The following GNB2 variants were observed in gnomAD, a reference collection of about 807,000 sequenced individuals.
GNB2 encodes guanine nucleotide-binding protein G(I)/G(S)/G(T) subunit beta-2.
In GNB2, 7 loss-of-function variants were observed where a neutral mutation model predicts 40.7. The ratio of observed to expected loss-of-function variants is 0.17; its 90% CI spans 0.10 to 0.32. The LOEUF is 0.32. GNB2 is among the 10% of genes least tolerant of loss of function. The pLI is 1.00. For synonymous variants in GNB2, 254 were observed against 191.2 expected, an observed-to-expected ratio of 1.33 and a Z score of -2.71; for missense variants, 286 against 473.0, an observed-to-expected ratio of 0.60 and a Z score of 3.67.
At chr7:100,677,014 C>G (rs751509302) in intron 4 of GNB2, 4 of 595,122 alleles carry the variant, frequency 6.7e-6, no homozygotes, top group Non-Finnish European at 1.2e-5. Flanking sequence ...AGGTGGCTCA[C>G]GCCTGTAATC....
Position 100,676,230 on chromosome 7 carries a change from C to T in GNB2, c.-36C>T. 2.1e-6 allele frequency: 3 copies of T among 1,463,114 alleles called. No homozygotes were observed. Among genetic ancestry groups the T allele is most frequent in the Non-Finnish European group, 2.8e-6 (3 of 1,067,512 alleles). The allele number at this position is 1,463,114 out of a possible 1,614,324, so 90.6% of individuals were successfully genotyped here. ...CCCCCAGCCCCCGTCCCGCGGCCCC[C>T]AGCCGCCCCCAACCCTGCCCCACGG... On this transcript the variant is annotated 5_prime_UTR_variant, in exon 2 of 10. Coordinates refer to ENST00000303210, the MANE Select transcript of GNB2 (RefSeq NM_005273.4).
rs1289417161 is a variant in GNB2, at chr7:100,679,121, T to A, written c.*320T>A. 6.7e-6 allele frequency: 2 copies of A among 297,414 alleles called. No individual in the cohort carries two copies. Among genetic ancestry groups the A allele is most frequent in the Non-Finnish European group, 1.2e-5 (2 of 160,080 alleles). The allele number at this position is 297,414 out of a possible 1,614,324, so 18.4% of individuals were successfully genotyped here. On this transcript the variant is annotated 3_prime_UTR_variant, in exon 10 of 10. Transcript: ENST00000303210. ...TTTTAAAACTGGTTTTATTTTAATT[T>A]TTATTATATTTTCAGTTTTTCCATA... is the stretch of plus-strand genomic sequence containing the variant.
chr7:100,675,241 C>T (rs1391569533), intron 1 of GNB2: 1 of 151,690 alleles, frequency 6.6e-6, no homozygotes, highest in Non-Finnish European at 1.5e-5. Flanking sequence ...GGAGAGAGCA[C>T]CTCCGCGCCT....
chr7:100,674,811 C>T (rs1411917890), intron 1 of GNB2, among the ~76,000 whole-genome samples: 2 of 152,250 alleles, frequency 1.3e-5, no homozygotes, highest in African/African-American at 4.8e-5. Context: ...GTGCTTCCTT[C>T]TGCCCTGGGC....
chr7:100,676,608 G>A (rs756488674), intron 3 of GNB2, 35 bp downstream of exon 3: 1 of 1,587,392 alleles, frequency 6.3e-7, no homozygotes, highest in South Asian at 1.1e-5. Context: ...GTAACTAGGG[G>A]TTGAAGGGGC....
Position 100,677,792 on chromosome 7 carries a change from C to T in GNB2, c.471C>T (p.Ile157=). The change falls in exon 7 of 10, where the codon ATC becomes ATT. Residue 157 remains isoleucine (I), a synonymous_variant. Coordinates refer to ENST00000303210, the MANE Select transcript of GNB2 (RefSeq NM_005273.4). The stretch of plus-strand genomic sequence containing the variant: ...GCCGCTTCCTGGATGACAACCAAAT[C>T]ATCACCAGCTCTGGGGATACCACCT... The part of the protein sequence containing the change: ...SCCRFLDDNQ[I]ITSSGDTTCA... 1.2e-6 allele frequency: 2 copies of T among 1,613,776 alleles called. No homozygotes were observed. The highest frequency in any genetic ancestry group is 1.7e-6 in the Non-Finnish European group (2 of 1,179,974).
chr7:100,677,843 G>T, intron 7 of GNB2, 25 bp downstream of exon 7: 1 of 1,602,970 alleles, frequency 6.2e-7, no homozygotes. Context: ...GGGCTGGGCA[G>T]TCTGGGCAAA....
rs61758990 is a variant in GNB2, at chr7:100,678,452, C to T, written c.754C>T (p.Leu252Phe). 3 of 1,613,850 alleles carry T rather than the reference C, an allele frequency of 1.9e-6. No homozygotes were observed. The highest frequency in any genetic ancestry group is 2.2e-5 in the South Asian group (2 of 91,086). ...TTGSDDATCRLFDLRADQELL... is the reference protein window; with the variant it reads ...TTGSDDATCRFFDLRADQELL... ...CGGCTCTGACGACGCCACGTGCCGC[C>T]TCTTCGACCTGCGGGCCGATCAGGA... The change falls in exon 9 of 10, where the codon CTC becomes TTC. Residue 252 changes from leucine to phenylalanine, a missense_variant. Coordinates refer to ENST00000303210, the MANE Select transcript of GNB2 (RefSeq NM_005273.4).
Position 100,679,122 on chromosome 7 carries a change from TTATTA to T in GNB2, c.*326_*330del. On this transcript the variant is annotated 3_prime_UTR_variant, in exon 10 of 10. Transcript: ENST00000303210. ...TTTAAAACTGGTTTTATTTTAATTT[TTATTA>T]TATTTTCAGTTTTTCCATAAAGGAG... 3.4e-6 allele frequency: 1 copy of T among 295,858 alleles called. No individual in the cohort carries two copies. The highest frequency in any genetic ancestry group is 6.3e-6 in the Non-Finnish European group (1 of 159,046). 18.3% of individuals were successfully genotyped at this position (295,858 alleles called of 1,614,324 possible).
In GNB2 at chr7:100,678,629, C is replaced by T; in HGVS notation, c.916+15C>T. 1.9e-6 allele frequency: 3 copies of T among 1,611,018 alleles called. No homozygotes were observed. The highest frequency in any genetic ancestry group is 2.5e-6 in the Non-Finnish European group (3 of 1,177,492). On this transcript the variant is annotated intron_variant, in intron 9 of 9. Coordinates refer to ENST00000303210, the MANE Select transcript of GNB2 (RefSeq NM_005273.4). ...CGACCGTGCAGGTGACAGCTGGGGC[C>T]CAGGCTGGGTGGGCAGGGACCTGGA...
Position 100,676,217 on chromosome 7 carries a change from G to A in GNB2, c.-49G>A, listed in dbSNP as rs1208720240. ...CCAGGAGCTGCCTCCCCCAGCCCCC[G>A]TCCCGCGGCCCCCAGCCGCCCCCAA... On this transcript the variant is annotated 5_prime_UTR_variant, in exon 2 of 10. Transcript: ENST00000303210. The A allele has an allele frequency of 5.8e-6, 5 of 869,130 alleles. No individual in the cohort carries two copies. Among genetic ancestry groups the A allele is most frequent in the Middle Eastern group, 3.4e-4 (1 of 2,908 alleles). The allele number at this position is 869,130 out of a possible 1,614,324, so 53.8% of individuals were successfully genotyped here.
Position 100,676,338 on chromosome 7 carries a change from G to C in GNB2, c.57+16G>C, listed in dbSNP as rs112816501. On this transcript the variant is annotated intron_variant, in intron 2 of 9. Coordinates refer to ENST00000303210, the MANE Select transcript of GNB2 (RefSeq NM_005273.4). The stretch of plus-strand genomic sequence containing the variant: ...CCAGATCCGGGTGAGGGCCTGGTGC[G>C]GGGCGGGCGATTCATGTGTACACCG... 6.2e-3 allele frequency: 9,913 copies of C among 1,594,564 alleles called. 575 individuals are homozygous for C. In the African/African-American group the frequency reaches 0.12, roughly 19 times the overall value.
In GNB2 at chr7:100,676,335, T is replaced by G. The variant is rs769342124; in HGVS notation, c.57+13T>G. The G allele has an allele frequency of 1.3e-6, 2 of 1,598,440 alleles. No individual in the cohort carries two copies. The highest frequency in any genetic ancestry group is 2.2e-5 in the South Asian group (2 of 89,222). On this transcript the variant is annotated intron_variant, in intron 2 of 9. Coordinates refer to ENST00000303210, the MANE Select transcript of GNB2 (RefSeq NM_005273.4). ...GAACCAGATCCGGGTGAGGGCCTGG[T>G]GCGGGGCGGGCGATTCATGTGTACA...
chr7:100,674,522 GCTTT>G (rs1804309339), intron 1 of GNB2, among the ~76,000 whole-genome samples: 1 of 148,992 alleles, frequency 6.7e-6, no homozygotes, highest in Admixed American at 6.6e-5. Context: ...CCCCCGCCCA[GCTTT>G]CTTTTAGGCA....
intron 1 of GNB2, among the ~76,000 whole-genome samples, chr7:100,674,480 C>T (rs1369393195): frequency 6.6e-6 from 1 of 152,156 alleles, no homozygotes; most frequent in East Asian, 1.9e-4. Context: ...CTTTACAGAT[C>T]CTCACCCCAA....
chr7:100,678,293 A>G lies in GNB2; in HGVS notation c.693A>G (p.Ala231=), dbSNP rs778564494. 1.2e-6 allele frequency: 2 copies of G among 1,613,128 alleles called. No individual in the cohort carries two copies. The highest frequency in any genetic ancestry group is 1.3e-5 in the African/African-American group (1 of 74,886). ...TFIGHESDIN[A]VAFFPNGYAF... ...TCGGCCATGAATCCGACATCAATGC[A>G]GTGGCTGTGAGTTTTGGGGCGAGCT... Residue 231 remains alanine (A), a synonymous_variant, in exon 8 of 10, where the codon GCA becomes GCG. Transcript: ENST00000303210.
chr7:100,679,069 G>A lies in GNB2; in HGVS notation c.*268G>A, dbSNP rs1804441420. On this transcript the variant is annotated 3_prime_UTR_variant, in exon 10 of 10. Transcript: ENST00000303210. The stretch of plus-strand genomic sequence containing the variant: ...TCACCCCTCTGGAGGGCCGGAGGCA[G>A]GAGGTGGAAACCCCAGGGGCTGGCT... 2 of 438,162 alleles carry A rather than the reference G, an allele frequency of 4.6e-6. No individual in the cohort carries two copies. Among genetic ancestry groups the A allele is most frequent in the African/African-American group, 2.0e-5 (1 of 50,140 alleles). 27.1% of individuals were successfully genotyped at this position (438,162 alleles called of 1,614,324 possible). A position where few individuals can be genotyped will look rare whatever the true frequency, so the allele number is the denominator to read the frequency against.
Position 100,677,542 on chromosome 7 carries a change from C to T in GNB2, c.312C>T (p.Ala104=), listed in dbSNP as rs753878862. 3.1e-6 allele frequency: 5 copies of T among 1,613,420 alleles called. No homozygotes were observed. The African/African-American group carries it at 5.3e-5, about 17-fold the overall frequency. Residue 104 remains alanine (A), a synonymous_variant, in exon 6 of 10, where the codon GCC becomes GCT. Coordinates refer to ENST00000303210, the MANE Select transcript of GNB2 (RefSeq NM_005273.4). ...GCTCCTCCTGGGTAATGACCTGTGC[C>T]TACGCGCCCTCAGGGAACTTTGTGG... ...PLRSSWVMTC[A]YAPSGNFVAC...
chr7:100,678,356 C>G (rs1804406982), intron 8 of GNB2, 42 bp from the exon 9 acceptor site: 1 of 1,598,802 alleles, frequency 6.3e-7, no homozygotes. Context: ...GGCCCTGCTC[C>G]TCACCCTCAC....
Sources: allele counts gnomAD v4.1 joint callset (sites outside exome capture counted in the v4.1 genomes callset), GRCh38; gene constraint gnomAD v4.1.1; transcripts MANE v1.5; gene names NCBI Gene and HGNC (gene_info 2026-07-23, HGNC 2026-07-21).